SERPIND1: variants seen among roughly 807,000 people sequenced by gnomAD.
The protein encoded by SERPIND1 is serpin family D member 1.
In SERPIND1, 34 loss-of-function variants were observed where a neutral mutation model predicts 35.0. The observed-to-expected ratio is 0.97, with a 90% CI of 0.74 to 1.29. SERPIND1 has a LOEUF of 1.29. Ranked by LOEUF, SERPIND1 falls within the 50% of genes most tolerant of loss-of-function variation. The pLI is 0.00. For synonymous variants in SERPIND1, 236 were observed against 241.1 expected, an observed-to-expected ratio of 0.98 and a Z score of 0.19; for missense variants, 633 against 637.7, an observed-to-expected ratio of 0.99 and a Z score of 0.08.
At chr22:20,785,789 C>T (rs1384195498) in intron 3 of SERPIND1, among the ~76,000 whole-genome samples, 1 of 152,190 alleles carries the variant, frequency 6.6e-6, no homozygotes, top group Non-Finnish European at 1.5e-5. Context: ...AGGAAATAAT[C>T]ATGCAACAGA....
intron 3 of SERPIND1, among the ~76,000 whole-genome samples, chr22:20,784,508 T>C (rs182746653): frequency 2.0e-3 from 305 of 152,262 alleles, no homozygotes; most frequent in Non-Finnish European, 3.3e-3. Flanking sequence ...GCTTGGTGCT[T>C]GCTTTGTGGC....
At chr22:20,786,436 G>A (rs1454743873) in intron 4 of SERPIND1, among the ~76,000 whole-genome samples, 2 of 152,182 alleles carry the variant, frequency 1.3e-5, no homozygotes, top group African/African-American at 4.8e-5. Context: ...GCTGCGGTCT[G>A]GGAAATAGCT....
Position 20,780,087 on chromosome 22 carries a change from A to G in SERPIND1, c.775A>G (p.Ile259Val), listed in dbSNP as rs1285895728. Residue 259 changes from isoleucine (I) to valine (V), a missense_variant, in exon 2 of 5, where the codon ATA (isoleucine) becomes GTA (valine). Transcript: ENST00000215727. ...QIADFSDPAF[I>V]SKTNNHIMKL... ...AGCTGACTTCTCAGACCCTGCCTTCATATCAAAAACCAACAACCACATCAT... is the reference window on the plus strand; with the variant it reads ...AGCTGACTTCTCAGACCCTGCCTTCGTATCAAAAACCAACAACCACATCAT... 1.9e-6 allele frequency: 3 copies of G among 1,614,068 alleles called. No homozygotes were observed. The highest frequency in any genetic ancestry group is 1.7e-6 in the Non-Finnish European group (2 of 1,180,040).
chr22:20,785,868 C>A (rs924910204), intron 3 of SERPIND1, 136 bp from the exon 4 acceptor site: 2 of 1,256,846 alleles, frequency 1.6e-6, no homozygotes, highest in Non-Finnish European at 2.3e-6. Context: ...AACTGACAGT[C>A]CCGGAATATA....
At chr22:20,785,854 C>A in intron 3 of SERPIND1, 150 bp from the exon 4 acceptor site, 1 of 1,116,300 alleles carries the variant, frequency 9.0e-7, no homozygotes, top group Non-Finnish European at 1.3e-6. Context: ...TTCCTAAAAT[C>A]CTCAACTGAC....
Position 20,779,460 on chromosome 22 carries a change from C to T in SERPIND1, c.148C>T (p.Leu50=). ...PQWEQLNNKN[L]SMPLLPADFH... Reference sequence around the variant, plus strand: ...GTGGGAGCAGTTAAATAACAAAAACCTGAGCATGCCTCTTCTCCCTGCCGA... The same window carrying T: ...GTGGGAGCAGTTAAATAACAAAAACTTGAGCATGCCTCTTCTCCCTGCCGA... The change falls in exon 2 of 5, where the codon CTG becomes TTG. Residue 50 remains leucine (L), a synonymous_variant. Transcript: ENST00000215727. 1 of 1,614,142 alleles carries T rather than the reference C, an allele frequency of 6.2e-7. No homozygotes were observed. Among genetic ancestry groups the T allele is most frequent in the Non-Finnish European group, 8.5e-7 (1 of 1,180,004 alleles).
At chr22:20,776,991 T>C (rs1003048351) in intron 1 of SERPIND1, among the ~76,000 whole-genome samples, 5 of 151,978 alleles carry the variant, frequency 3.3e-5, no homozygotes, top group African/African-American at 9.7e-5. Flanking sequence ...ATCTATCTAA[T>C]AGGAAATGGT....
chr22:20,783,131 G>A (rs1425180160), intron 2 of SERPIND1, among the ~76,000 whole-genome samples: 2 of 152,218 alleles, frequency 1.3e-5, no homozygotes, highest in African/African-American at 2.4e-5. Flanking sequence ...TCAACTACTA[G>A]TCACCCATTA....
intron 2 of SERPIND1, among the ~76,000 whole-genome samples, chr22:20,781,835 C>T (rs1797992022): frequency 6.6e-6 from 1 of 152,200 alleles, no homozygotes; most frequent in Non-Finnish European, 1.5e-5. Flanking sequence ...GTTTGTGTGA[C>T]CTCAGACAAG....
intron 1 of SERPIND1, chr22:20,779,081 CA>C: frequency 1.8e-6 from 2 of 1,108,954 alleles, no homozygotes; most frequent in Non-Finnish European, 2.5e-6. Context: ...TCAAGGGGCC[CA>C]CAGATCCTTC....
At chr22:20,786,809 T>G in intron 4 of SERPIND1, 66 bp from the exon 5 acceptor site, 1 of 1,454,404 alleles carries the variant, frequency 6.9e-7, no homozygotes, top group Non-Finnish European at 9.7e-7. Context: ...GATATGAGAT[T>G]GTGCTGGGAA....
intron 3 of SERPIND1, among the ~76,000 whole-genome samples, chr22:20,785,234 TAATTAA>T (rs545004863): frequency 1.8e-3 from 276 of 152,242 alleles, no homozygotes; most frequent in African/African-American, 6.6e-3. Flanking sequence ...CATGCCCAGC[TAATTAA>T]ACTTTTTTTG....
rs548278044 is a variant in SERPIND1, at chr22:20,775,032, A to T, written c.-17+887A>T. On this transcript the variant is annotated intron_variant, in intron 1 of 4. Coordinates refer to ENST00000215727, the MANE Select transcript of SERPIND1 (RefSeq NM_000185.4). ...TACTTCAAAATAAAAAGTTTTCCAA[A>T]CTTTAGGCAGTTACTTCTCTCCCAT... Among the ~76,000 whole-genome samples, 5 of 152,226 alleles carry T rather than the reference A, an allele frequency of 3.3e-5. No homozygotes were observed. The South Asian group carries it at 1.0e-3, about 32-fold the overall frequency.
intron 2 of SERPIND1, among the ~76,000 whole-genome samples, chr22:20,780,957 A>G (rs894352405): frequency 6.6e-6 from 1 of 152,106 alleles, no homozygotes; most frequent in Non-Finnish European, 1.5e-5. Flanking sequence ...TTTCCCAATT[A>G]TCAATAAGCA....
Position 20,786,041 on chromosome 22 carries a change from A to G in SERPIND1, c.1201A>G (p.Lys401Glu), listed in dbSNP as rs774396207. Residue 401 changes from lysine to glutamate, a missense_variant, in exon 4 of 5, where the codon AAG becomes GAG. By Grantham distance (56) the Lys-to-Glu change is moderately conservative (BLOSUM62 1). Transcript: ENST00000215727. ...GCTTCTGCCGAAATTCAAGCTGGAG[A>G]AGAACTACAATCTAGTGGAGTCCCT... ...EVLLPKFKLEKNYNLVESLKL... is the reference protein window; with the variant it reads ...EVLLPKFKLEENYNLVESLKL... The G allele has an allele frequency of 3.7e-6, 6 of 1,614,152 alleles. 1 individual carries two copies. The South Asian group carries it at 6.6e-5, about 18-fold the overall frequency.
chr22:20,778,655 C>T (rs979655877), intron 1 of SERPIND1, among the ~76,000 whole-genome samples: 7 of 152,150 alleles, frequency 4.6e-5, no homozygotes, highest in Non-Finnish European at 1.0e-4. Context: ...ATCTCCATTG[C>T]AAAGGTGGAA....
Position 20,780,214 on chromosome 22 carries a change from T to C in SERPIND1, c.889+13T>C. The C allele has an allele frequency of 6.2e-7, 1 of 1,614,202 alleles. No individual in the cohort carries two copies. The highest frequency in any genetic ancestry group is 8.5e-7 in the Non-Finnish European group (1 of 1,180,038). Reference sequence around the variant, plus strand: ...ATCTACTTCAAAGGTAAGAGGCACCTTTACAGTTCTCACAGCAAACCCACA... The same window carrying C: ...ATCTACTTCAAAGGTAAGAGGCACCCTTACAGTTCTCACAGCAAACCCACA... On this transcript the variant is annotated intron_variant, in intron 2 of 4. Transcript: ENST00000215727.
rs178040 is a variant in SERPIND1 at position 20,787,446 on chromosome 22, C to A, written c.*380C>A. 12,091 of 347,238 alleles carry A rather than the reference C, an allele frequency of 0.035. 308 individuals are homozygous for A. Among genetic ancestry groups the A allele is most frequent in the Middle Eastern group, 0.057 (57 of 1,000 alleles). 21.5% of individuals were successfully genotyped at this position (347,238 alleles called of 1,614,324 possible). A position where few individuals can be genotyped will look rare whatever the true frequency, so the allele number is the denominator to read the frequency against. On this transcript the variant is annotated 3_prime_UTR_variant, in exon 5 of 5. Transcript: ENST00000215727. ...CTCCACCAGGCCCCTCATCTGAATACCAAGCACAGAAATGAGTGGTGTGAC... is the reference window on the plus strand; with the variant it reads ...CTCCACCAGGCCCCTCATCTGAATAACAAGCACAGAAATGAGTGGTGTGAC...
chr22:20,781,851 C>T (rs1362478210), intron 2 of SERPIND1, among the ~76,000 whole-genome samples: 2 of 152,228 alleles, frequency 1.3e-5, no homozygotes, highest in African/African-American at 4.8e-5. Context: ...ACAAGTCATT[C>T]AACATCTCTA....
Sources: allele counts gnomAD v4.1 joint callset (sites outside exome capture counted in the v4.1 genomes callset), GRCh38; gene constraint gnomAD v4.1.1; transcripts MANE v1.5; gene names NCBI Gene and HGNC (gene_info 2026-07-23, HGNC 2026-07-21).